EPB41L1: variants seen among roughly 807,000 people sequenced by gnomAD.
EPB41L1 encodes band 4.1-like protein 1.
Under a neutral mutation model 97.8 loss-of-function variants are expected in EPB41L1, and 29 were observed. That is an observed-to-expected ratio of 0.30 (90% CI 0.22 to 0.40). EPB41L1 has a LOEUF of 0.40. Ranked by LOEUF, EPB41L1 falls within the 10% of genes least tolerant of loss-of-function variation. The probability of loss-of-function intolerance (pLI) is 1.00; values close to 1 mark genes in which losing one functional copy is unlikely to be tolerated. For missense variants in EPB41L1, 812 were observed against 1,162.3 expected, an observed-to-expected ratio of 0.70 and a Z score of 4.38; for synonymous variants, 383 against 459.2, an observed-to-expected ratio of 0.83 and a Z score of 2.12.
At chr20:36,226,454 G>C (rs1308556959) in intron 21 of EPB41L1, among the ~76,000 whole-genome samples, 3 of 152,170 alleles carry the variant, frequency 2.0e-5, no homozygotes, top group African/African-American at 7.2e-5. Flanking sequence ...GAAACTGAGG[G>C]TCAGAGATGT....
chr20:36,155,214 C>T (rs1797066075), intron 1 of EPB41L1: 1 of 456,066 alleles, frequency 2.2e-6, no homozygotes, highest in African/African-American at 2.0e-5. Context: ...GCTGCCGCCT[C>T]CAGAGGCCAA....
At chr20:36,155,845 G>A (rs916351574) in intron 1 of EPB41L1, 8 of 350,006 alleles carry the variant, frequency 2.3e-5, no homozygotes, top group African/African-American at 6.4e-5. Flanking sequence ...AATGTGAGAC[G>A]GCCAGATTTA....
At chr20:36,179,184 G>A (rs1335590537) in intron 5 of EPB41L1, among the ~76,000 whole-genome samples, 3 of 152,154 alleles carry the variant, frequency 2.0e-5, no homozygotes, top group Non-Finnish European at 4.4e-5. Flanking sequence ...CAAGTCTAAG[G>A]CCCAGAGAAG....
chr20:36,129,865 A>T (rs1192377189), intron 2 of EPB41L1, among the ~76,000 whole-genome samples: 2 of 151,758 alleles, frequency 1.3e-5, no homozygotes, highest in African/African-American at 4.8e-5. Flanking sequence ...CTTTGACTCA[A>T]GGGATCCTCC....
intron 2 of EPB41L1, chr20:36,125,581 C>A (rs2058931210): frequency 6.5e-7 from 1 of 1,530,482 alleles, no homozygotes; most frequent in East Asian, 2.5e-5. Context: ...TAGATTGAAC[C>A]ACAAGTGCAC....
Position 36,207,905 on chromosome 20 carries a change from T to C in EPB41L1, c.1669-1583T>C, listed in dbSNP as rs1446969894. 1.9e-6 allele frequency: 2 copies of C among 1,072,732 alleles called. No homozygotes were observed. Among genetic ancestry groups the C allele is most frequent in the Non-Finnish European group, 2.4e-6 (2 of 831,240 alleles). 66.5% of individuals were successfully genotyped at this position (1,072,732 alleles called of 1,614,324 possible). ...CGTCATTTCTGCAATCAGAGGCTGC[T>C]TATCCATCCCTGTGAGTTTTTTCCC... On this transcript the variant is annotated intron_variant, in intron 14 of 21. Coordinates refer to ENST00000338074, the MANE Select transcript of EPB41L1 (RefSeq NM_012156.2). This position sits in a 1 kb window ranked among gnomAD's most constrained non-coding sequence, Gnocchi z 4.9.
At chr20:36,194,008 C>G (rs142017251) in intron 11 of EPB41L1, among the ~76,000 whole-genome samples, 1,526 of 152,292 alleles carry the variant, frequency 0.01, 30 homozygotes, top group African/African-American at 0.034. Flanking sequence ...CTGTAGAAAC[C>G]AGGAAGGAGT....
At chr20:36,186,768 G>A (rs1266596973) in intron 7 of EPB41L1, among the ~76,000 whole-genome samples, 3 of 152,148 alleles carry the variant, frequency 2.0e-5, no homozygotes, top group Non-Finnish European at 4.4e-5. Context: ...AAATACTAAG[G>A]GCTGTCCCTA....
rs137971059 is a variant in EPB41L1, at chr20:36,197,835, A to G, written c.1486-24A>G. On this transcript the variant is annotated intron_variant, in intron 13 of 21. Transcript: ENST00000338074. ...CGCTTGGAGCTGTTCCCCTAACACC[A>G]CCACCCTCTCCATCTATCCCTAGTT... 2.5e-3 allele frequency: 3,955 copies of G among 1,613,770 alleles called. 88 individuals carry two copies. The African/African-American group carries it at 0.047, about 19-fold the overall frequency.
chr20:36,140,282 G>A (rs896317021), intron 2 of EPB41L1, among the ~76,000 whole-genome samples: 3 of 146,588 alleles, frequency 2.0e-5, no homozygotes, highest in Admixed American at 6.9e-5. Context: ...TGTTGGCCGT[G>A]CTGGTCTTGA....
At chr20:36,133,949 C>G (rs1237083260) in intron 2 of EPB41L1, among the ~76,000 whole-genome samples, 1 of 151,834 alleles carries the variant, frequency 6.6e-6, no homozygotes, top group Admixed American at 6.6e-5. Flanking sequence ...TCATTCTATA[C>G]TTGGATGACT....
intron 14 of EPB41L1, among the ~76,000 whole-genome samples, chr20:36,201,902 C>T (rs1035287080): frequency 6.6e-6 from 1 of 152,190 alleles, no homozygotes; most frequent in Non-Finnish European, 1.5e-5. Context: ...CTCTGAGGGC[C>T]TGTACCTTTC....
intron 13 of EPB41L1, among the ~76,000 whole-genome samples, chr20:36,197,044 T>C (rs78557816): frequency 0.036 from 5,541 of 152,170 alleles, 292 homozygotes; most frequent in East Asian, 0.19. Context: ...CTAATCTTCC[T>C]GAACACTCCA....
At chr20:36,179,538 GA>G (rs374882202) in intron 5 of EPB41L1, among the ~76,000 whole-genome samples, 1 of 152,378 alleles carries the variant, frequency 6.6e-6, no homozygotes, top group African/African-American at 2.4e-5. Flanking sequence ...CCCAGAGAGA[GA>G]AAGCATGTCG....
At chr20:36,118,113 G>A (rs944578558) in intron 2 of EPB41L1, among the ~76,000 whole-genome samples, 3 of 152,232 alleles carry the variant, frequency 2.0e-5, no homozygotes, top group Admixed American at 1.3e-4. Flanking sequence ...CTGCATTCAG[G>A]ACAGCTTAGA....
intron 2 of EPB41L1, among the ~76,000 whole-genome samples, chr20:36,140,053 T>C (rs2059578472): frequency 7.1e-6 from 1 of 140,528 alleles, no homozygotes; most frequent in Non-Finnish European, 1.5e-5. Flanking sequence ...TTTGTTGTTG[T>C]TGTTTGTTTG....
chr20:36,177,912 G>T lies in EPB41L1; in HGVS notation c.343-40G>T. ...GGGTATCTCCCAGCCTCGCCCCGGG[G>T]TGTGCTTCAGCCTCATAGCTGCTCT... is the stretch of plus-strand genomic sequence containing the variant. On this transcript the variant is annotated intron_variant, in intron 3 of 21. Transcript: ENST00000338074. 6 of 1,531,762 alleles carry T rather than the reference G, an allele frequency of 3.9e-6. No individual in the cohort carries two copies. The South Asian group carries it at 5.6e-5, about 14-fold the overall frequency. The allele number at this position is 1,531,762 out of a possible 1,614,324, so 94.9% of individuals were successfully genotyped here.
intron 1 of EPB41L1, among the ~76,000 whole-genome samples, chr20:36,107,772 T>C (rs1265959289): frequency 1.3e-5 from 2 of 150,972 alleles, no homozygotes; most frequent in Admixed American, 6.6e-5. Context: ...GAGATTGCAG[T>C]GAGCTGAGAT....
At chr20:36,186,802 C>A (rs902400885) in intron 7 of EPB41L1, among the ~76,000 whole-genome samples, 1 of 152,200 alleles carries the variant, frequency 6.6e-6, no homozygotes, top group African/African-American at 2.4e-5. Context: ...CTAAAGCACA[C>A]TGACATCTCG....
Sources: gnomAD v4.1 joint callset for allele counts (sites outside exome capture counted in the v4.1 genomes callset) on GRCh38, gnomAD v4.1.1 for gene constraint, Gnocchi (gnomAD v3.1) non-coding constraint, MANE v1.5 for transcripts, NCBI Gene and HGNC (gene_info 2026-07-23, HGNC 2026-07-21) for gene names.